FMN1: variants seen among roughly 807,000 people sequenced by gnomAD.
The protein encoded by FMN1 is formin-1.
FMN1 carries 110 observed loss-of-function variants against 132.4 expected under a neutral mutation model. That is an observed-to-expected ratio of 0.83 (90% CI 0.71 to 0.97). The LOEUF is 0.97. Ranked by LOEUF, FMN1 falls within the 50% of genes least tolerant of loss-of-function variation. The probability of loss-of-function intolerance (pLI) is 0.00; values close to 1 mark genes in which losing one functional copy is unlikely to be tolerated. For synonymous variants in FMN1, 722 were observed against 651.7 expected, an observed-to-expected ratio of 1.11 and a Z score of -1.64; for missense variants, 1,792 against 1,705.3, an observed-to-expected ratio of 1.05 and a Z score of -0.90.
chr15:32,879,174 C>A (rs1015441130), intron 16 of FMN1, among the ~76,000 whole-genome samples: 1 of 152,200 alleles, frequency 6.6e-6, no homozygotes, highest in Non-Finnish European at 1.5e-5. Context: ...TTCTGAAATA[C>A]TTATCCCAGT....
chr15:32,955,824 TGTGC>T (rs946071374), intron 9 of FMN1, among the ~76,000 whole-genome samples: 2 of 151,842 alleles, frequency 1.3e-5, no homozygotes, highest in South Asian at 2.1e-4. Context: ...TGTGTGTGTG[TGTGC>T]GTGCGCGCAC....
Position 33,066,784 on chromosome 15 carries a change from C to T in FMN1, c.2044-1710G>A, listed in dbSNP as rs759347878. 3.7e-6 allele frequency: 6 copies of T among 1,613,966 alleles called. No homozygotes were observed. In the Admixed American group the frequency reaches 1.0e-4, roughly 27 times the overall value. ...CAGCATTGCAGCCCATCTCTTCTCT[C>T]CTGGGCGACTCAGGGTCTGCTCCCT... On this transcript the variant is annotated intron_variant, in intron 5 of 20. Transcript: ENST00000616417.
chr15:33,113,781 T>C (rs2039804707), intron 4 of FMN1, among the ~76,000 whole-genome samples: 1 of 152,322 alleles, frequency 6.6e-6, no homozygotes, highest in African/African-American at 2.4e-5. Flanking sequence ...AGTTCTTTCA[T>C]CTGTGACTCC....
chr15:32,870,965 G>A (rs957585700), intron 16 of FMN1, among the ~76,000 whole-genome samples: 1 of 152,162 alleles, frequency 6.6e-6, no homozygotes, highest in African/African-American at 2.4e-5. Flanking sequence ...GATTGGTTTA[G>A]GAGGTAGGGG....
At chr15:32,842,740 A>G (rs915692190) in intron 17 of FMN1, among the ~76,000 whole-genome samples, 3 of 150,522 alleles carry the variant, frequency 2.0e-5, no homozygotes, top group African/African-American at 7.3e-5. Flanking sequence ...CAATAACCTT[A>G]TGGTGGTGGT....
chr15:32,784,408 AG>A (rs2056780605), intron 19 of FMN1, among the ~76,000 whole-genome samples: 2 of 94,406 alleles, frequency 2.1e-5, no homozygotes, highest in Non-Finnish European at 4.2e-5. Context: ...TGAAGCTCCT[AG>A]GGGGAAAAAC....
intron 19 of FMN1, among the ~76,000 whole-genome samples, chr15:32,790,914 A>T (rs1187918685): frequency 1.3e-5 from 2 of 152,250 alleles, no homozygotes; most frequent in Non-Finnish European, 2.9e-5. Flanking sequence ...AAAGGATCGT[A>T]AGAAGAAAAT....
chr15:33,042,215 T>C (rs1237290102), intron 6 of FMN1, among the ~76,000 whole-genome samples: 2 of 152,134 alleles, frequency 1.3e-5, no homozygotes, highest in Non-Finnish European at 2.9e-5. Flanking sequence ...GCAAAAGCTA[T>C]AAGAAGAAAA....
intron 4 of FMN1, among the ~76,000 whole-genome samples, chr15:33,130,579 G>C (rs1474302309): frequency 6.6e-6 from 1 of 152,160 alleles, no homozygotes; most frequent in Non-Finnish European, 1.5e-5. Flanking sequence ...AAAATGCTGT[G>C]ATATAAGGCA....
chr15:32,795,164 C>T (rs910171491), intron 19 of FMN1, among the ~76,000 whole-genome samples: 4 of 152,202 alleles, frequency 2.6e-5, no homozygotes, highest in African/African-American at 4.8e-5. Flanking sequence ...TGCGTCATGG[C>T]ACTCTAGCCT....
intron 17 of FMN1, among the ~76,000 whole-genome samples, chr15:32,822,021 C>T (rs2058231343): frequency 6.6e-6 from 1 of 152,288 alleles, no homozygotes; most frequent in East Asian, 1.9e-4. Flanking sequence ...CCTTTTGCTA[C>T]TCCACTTCTT....
At chr15:32,813,414 AACTC>A (rs1451762781) in intron 17 of FMN1, among the ~76,000 whole-genome samples, 7 of 152,208 alleles carry the variant, frequency 4.6e-5, no homozygotes, top group Non-Finnish European at 7.3e-5. Context: ...TTCAGAAGTA[AACTC>A]ACTTTTTTTT....
chr15:33,142,286 T>C (rs1964041882), intron 4 of FMN1, among the ~76,000 whole-genome samples: 1 of 152,166 alleles, frequency 6.6e-6, no homozygotes, highest in Admixed American at 6.5e-5. Flanking sequence ...GAAACTGAGG[T>C]CCCTGATGTC....
chr15:32,790,268 A>AG (rs1287890293), intron 19 of FMN1, among the ~76,000 whole-genome samples: 2 of 152,186 alleles, frequency 1.3e-5, no homozygotes, highest in Non-Finnish European at 2.9e-5. Context: ...GTCAATGCCC[A>AG]GCTCATTTTC....
At chr15:32,872,280 T>C (rs2059534176) in intron 16 of FMN1, among the ~76,000 whole-genome samples, 1 of 152,226 alleles carries the variant, frequency 6.6e-6, no homozygotes, top group South Asian at 2.1e-4. Context: ...ATTCAAGTCA[T>C]TTGTGAAGAA....
intron 6 of FMN1, among the ~76,000 whole-genome samples, chr15:33,059,481 A>T (rs1028332292): frequency 6.6e-6 from 1 of 152,176 alleles, no homozygotes; most frequent in Non-Finnish European, 1.5e-5. Context: ...ATAATTTTCC[A>T]TAATGGCCGT....
intron 6 of FMN1, among the ~76,000 whole-genome samples, chr15:33,032,933 GTTA>G (rs1294820326): frequency 4.6e-5 from 7 of 152,172 alleles, no homozygotes; most frequent in African/African-American, 1.7e-4. Flanking sequence ...GAGGTTTAGA[GTTA>G]TTAAGTATTT....
At chr15:33,062,392 C>T (rs189515602) in intron 6 of FMN1, among the ~76,000 whole-genome samples, 4,051 of 152,148 alleles carry the variant, frequency 0.027, 82 homozygotes, top group Non-Finnish European at 0.043. Flanking sequence ...GAGGTCGAGG[C>T]GGGGGGATCA....
intron 9 of FMN1, among the ~76,000 whole-genome samples, chr15:32,944,789 A>AG (rs1246425661): frequency 6.6e-6 from 1 of 151,266 alleles, no homozygotes; most frequent in Middle Eastern, 3.2e-3. Context: ...GATGGGTTGG[A>AG]GGGGGGAGGG....
Sources: allele counts gnomAD v4.1 joint callset (sites outside exome capture counted in the v4.1 genomes callset), GRCh38; gene constraint gnomAD v4.1.1; transcripts MANE v1.5; gene names NCBI Gene and HGNC (gene_info 2026-07-23, HGNC 2026-07-21).